TCN1: variants seen among roughly 807,000 people sequenced by gnomAD.
The protein encoded by TCN1 is transcobalamin 1.
TCN1 carries 47 observed loss-of-function variants against 46.3 expected under a neutral mutation model. The observed-to-expected ratio is 1.01, with a 90% CI of 0.80 to 1.29. The LOEUF (loss-of-function observed/expected upper bound fraction) is 1.29, where lower values mean the gene tolerates loss of function less well. Ranked by LOEUF, TCN1 falls within the 50% of genes most tolerant of loss-of-function variation. The pLI is 0.00. For synonymous variants in TCN1, 183 were observed against 192.5 expected (o/e 0.95, Z 0.41); for missense variants, 532 against 511.0 (o/e 1.04, Z -0.40).
In TCN1 at chr11:59,857,687, G is replaced by A. The variant is rs11826726; in HGVS notation, c.747+1390C>T. On this transcript the variant is annotated intron_variant, in intron 5 of 8. Transcript: ENST00000257264. ...TTTTTTCTGTAAACCTTCCTTGATC[G>A]CTTCTTATATCATCCCCTTAGAGTT... 9.8e-4 allele frequency among the ~76,000 whole-genome samples: 149 copies of A among 151,344 alleles called. No individual in the cohort carries two copies. In the South Asian group the frequency reaches 0.014, roughly 14 times the overall value.
chr11:59,865,656 A>T (rs1853065106), intron 1 of TCN1, among the ~76,000 whole-genome samples: 1 of 152,184 alleles, frequency 6.6e-6, no homozygotes, highest in Non-Finnish European at 1.5e-5. Context: ...AGACTTCATG[A>T]GATAATTTGC....
At position 59,854,645 on chromosome 11, in the gene TCN1, G is replaced by A. The variant is rs371787665; in HGVS notation, c.1121+7C>T. On this transcript the variant is annotated splice_region_variant and intron_variant, in intron 7 of 8. Transcript: ENST00000257264. ...ACATCTTAACCTTAGGTTAGGTACA[G>A]ACCTACCCAAATATAGTATCATTCA... 2 of 1,612,940 alleles carry A rather than the reference G, an allele frequency of 1.2e-6. No individual in the cohort carries two copies. Among genetic ancestry groups the A allele is most frequent in the African/African-American group, 2.7e-5 (2 of 74,898 alleles).
intron 4 of TCN1, among the ~76,000 whole-genome samples, chr11:59,860,442 A>T (rs1190218647): frequency 1.3e-5 from 2 of 149,556 alleles, no homozygotes; most frequent in Non-Finnish European, 3.0e-5. Context: ...TTTTTTTTTT[A>T]AATACAATTC....
intron 7 of TCN1, among the ~76,000 whole-genome samples, chr11:59,853,816 G>A (rs903868536): frequency 3.9e-5 from 6 of 152,154 alleles, no homozygotes; most frequent in East Asian, 3.9e-4. Flanking sequence ...TTTATATTCC[G>A]TAGTCATTTT....
At chr11:59,865,051 A>G (rs939634128) in intron 1 of TCN1, among the ~76,000 whole-genome samples, 1 of 152,198 alleles carries the variant, frequency 6.6e-6, no homozygotes, top group Admixed American at 6.5e-5. Flanking sequence ...GAAACCACCG[A>G]ATAAACTGTA....
chr11:59,858,645 T>A (rs1451436626), intron 5 of TCN1, among the ~76,000 whole-genome samples: 1 of 152,120 alleles, frequency 6.6e-6, no homozygotes, highest in Non-Finnish European at 1.5e-5. Flanking sequence ...GCAGAATGTA[T>A]AATAAGGTCT....
At position 59,859,112 on chromosome 11, in the gene TCN1, T is replaced by C; in HGVS notation, c.712A>G (p.Ile238Val). Reference protein sequence around the residue: ...ILSEKKENGLIGNTFSTGEAM... With the variant: ...ILSEKKENGLVGNTFSTGEAM... ...TCTCCTGTGCTAAATGTGTTTCCAA[T>C]GAGACCATTTTCTTTTTTCTCAGAC... The change falls in exon 5 of 9, where the codon ATT (isoleucine) becomes GTT (valine). Residue 238 changes from isoleucine to valine, a missense_variant. Transcript: ENST00000257264. 1 of 1,614,028 alleles carries C rather than the reference T, an allele frequency of 6.2e-7. No homozygotes were observed. Among genetic ancestry groups the C allele is most frequent in the Non-Finnish European group, 8.5e-7 (1 of 1,180,050 alleles).
At position 59,854,966 on chromosome 11, in the gene TCN1, T is replaced by C. The variant is rs1852915094; in HGVS notation, c.938-131A>G. 7.1e-6 allele frequency: 7 copies of C among 988,780 alleles called. No individual in the cohort carries two copies. The South Asian group carries it at 9.7e-5, about 14-fold the overall frequency. 61.3% of individuals were successfully genotyped at this position (988,780 alleles called of 1,614,324 possible). ...GACACGGATTTACTATAAGGAGCAA[T>C]TATCATCACTCAAGGGGCAAATTTC... On this transcript the variant is annotated intron_variant, in intron 6 of 8. Transcript: ENST00000257264.
At chr11:59,853,535 A>G (rs769340562) in intron 7 of TCN1, among the ~76,000 whole-genome samples, 1 of 152,172 alleles carries the variant, frequency 6.6e-6, no homozygotes, top group Non-Finnish European at 1.5e-5. Context: ...ATTCTAATGC[A>G]GGCACTCCAC....
chr11:59,859,212 A>G lies in TCN1; in HGVS notation c.612T>C (p.Asn204=). ...TGCCTTCATCTGCTTTGATCTGCCC[A>G]TTTATTAGACTCTTCTTCACACAGG... The part of the protein sequence containing the change: ...ALTCVKKSLI[N]GQIKADEGSL... Residue 204 remains asparagine (N), a synonymous_variant, in exon 5 of 9, where the codon AAT becomes AAC. Transcript: ENST00000257264. 1 of 1,614,040 alleles carries G rather than the reference A, an allele frequency of 6.2e-7. No individual in the cohort carries two copies. The highest frequency in any genetic ancestry group is 1.3e-5 in the African/African-American group (1 of 75,010).
chr11:59,863,101 A>C (rs1590867550), intron 2 of TCN1, among the ~76,000 whole-genome samples: 4 of 152,310 alleles, frequency 2.6e-5, no homozygotes. Flanking sequence ...ATAAAAATAC[A>C]CTATTAAAAT....
At chr11:59,863,478 C>A (rs138028612) in intron 2 of TCN1, among the ~76,000 whole-genome samples, 1 of 151,888 alleles carries the variant, frequency 6.6e-6, no homozygotes, top group Admixed American at 6.6e-5. Context: ...CTTCTTTTCC[C>A]CTTATACTAA....
rs527256488 is a variant in TCN1, at chr11:59,852,930, T to G, written c.*45A>C. ...GGCATAAGGACAATAAACATGGAAC[T>G]CCACTGCAAATGGATTTTATGCAGC... On this transcript the variant is annotated 3_prime_UTR_variant, in exon 9 of 9. Coordinates refer to ENST00000257264, the MANE Select transcript of TCN1 (RefSeq NM_001062.4). 1 of 1,567,306 alleles carries G rather than the reference T, an allele frequency of 6.4e-7. No homozygotes were observed. Among genetic ancestry groups the G allele is most frequent in the East Asian group, 2.2e-5 (1 of 44,654 alleles).
At position 59,853,218 on chromosome 11, in the gene TCN1, C is replaced by T. The variant is rs140632800; in HGVS notation, c.1225G>A (p.Glu409Lys). Residue 409 changes from glutamate (E) to lysine (K), a missense_variant, in exon 8 of 9, where the codon GAA (glutamate) becomes AAA (lysine). Transcript: ENST00000257264. ...RTYWELLSGG[E>K]PLSQGAGSYV... is the part of the protein sequence containing the mutation. ...TCTCCCTTACCTTGGCTCAGTGGTT[C>T]GCCTCCACTCAGAAGTTCCCAGTAG... The T allele has an allele frequency of 5.2e-5, 84 of 1,613,926 alleles. No homozygotes were observed. The highest frequency in any genetic ancestry group is 6.6e-5 in the South Asian group (6 of 91,080).
intron 4 of TCN1, among the ~76,000 whole-genome samples, chr11:59,860,179 G>T (rs915752322): frequency 3.3e-5 from 5 of 152,272 alleles, no homozygotes; most frequent in African/African-American, 4.8e-5. Context: ...TTGCTGCCCA[G>T]GCTGGAGTGC....
In TCN1 at chr11:59,862,646, T is replaced by A. The variant is rs750279011; in HGVS notation, c.336A>T (p.Leu112Phe). Residue 112 changes from leucine (L) to phenylalanine (F), a missense_variant, in exon 3 of 9, where the codon TTA becomes TTT. By Grantham distance (22) the Leu-to-Phe change is conservative. Transcript: ENST00000257264. ...TGTCGATCAGGTGGTAATCATATATTAAGTTTTCCTCAGCGTTACGACATA... is the reference window on the plus strand; with the variant it reads ...TGTCGATCAGGTGGTAATCATATATAAAGTTTTCCTCAGCGTTACGACATA... ...LGVCRNAEENLIYDYHLIDKL... is the reference protein window; with the variant it reads ...LGVCRNAEENFIYDYHLIDKL... 22 of 1,613,812 alleles carry A rather than the reference T, an allele frequency of 1.4e-5. No individual in the cohort carries two copies. The highest frequency in any genetic ancestry group is 1.8e-5 in the Non-Finnish European group (21 of 1,179,828).
intron 7 of TCN1, among the ~76,000 whole-genome samples, 155 bp from the exon 8 acceptor site, chr11:59,853,476 A>T (rs749624862): frequency 6.6e-6 from 1 of 152,190 alleles, no homozygotes; most frequent in Admixed American, 6.5e-5. Context: ...TTATTTTTAG[A>T]TATGAGCTGG....
intron 3 of TCN1, 127 bp from the exon 4 acceptor site, chr11:59,861,809 A>C: frequency 1.8e-6 from 2 of 1,088,012 alleles, no homozygotes; most frequent in Non-Finnish European, 2.7e-6. Flanking sequence ...TAGAAGGGGG[A>C]GGTCACCCAT....
intron 7 of TCN1, among the ~76,000 whole-genome samples, 189 bp downstream of exon 7, chr11:59,854,463 C>T (rs577783273): frequency 2.6e-5 from 4 of 151,936 alleles, no homozygotes; most frequent in South Asian, 4.1e-4. Flanking sequence ...AATTTACTAC[C>T]TATTATGTGC....
Sources: gnomAD v4.1 joint callset for allele counts (sites outside exome capture counted in the v4.1 genomes callset) on GRCh38, gnomAD v4.1.1 for gene constraint, MANE v1.5 for transcripts, NCBI Gene and HGNC (gene_info 2026-07-23, HGNC 2026-07-21) for gene names.